WAPL: variants seen among roughly 807,000 people sequenced by gnomAD.
WAPL encodes wings apart-like protein homolog.
WAPL carries 5 observed loss-of-function variants against 121.0 expected under a neutral mutation model. That is an observed-to-expected ratio of 0.04 (90% CI 0.02 to 0.09). WAPL has a LOEUF of 0.09. WAPL is among the 10% of genes least tolerant of loss of function. The pLI, the probability that WAPL is intolerant of heterozygous loss-of-function variation, is 1.00. For missense variants in WAPL, 999 were observed against 1,410.8 expected (o/e 0.71, Z 4.68); for synonymous variants, 480 against 481.5 (o/e 1.00, Z 0.04).
At chr10:86,462,432 TC>T (rs1841301894) in intron 9 of WAPL, among the ~76,000 whole-genome samples, 2 of 152,068 alleles carry the variant, frequency 1.3e-5, no homozygotes, top group African/African-American at 4.8e-5. Flanking sequence ...AAAGTTGTTC[TC>T]GGCCAGGTGC....
intron 15 of WAPL, among the ~76,000 whole-genome samples, chr10:86,449,520 T>A (rs574785206): frequency 1.3e-5 from 2 of 152,190 alleles, no homozygotes; most frequent in South Asian, 4.1e-4. Flanking sequence ...TAACACTAAG[T>A]GCAAAAGAGG....
At chr10:86,442,159 G>A (rs1470164821) in intron 17 of WAPL, among the ~76,000 whole-genome samples, 1 of 152,146 alleles carries the variant, frequency 6.6e-6, no homozygotes, top group Non-Finnish European at 1.5e-5. Flanking sequence ...AGCCTCCCGA[G>A]TAGCTGAGAT....
chr10:86,444,522 C>G (rs1849554201), intron 16 of WAPL, among the ~76,000 whole-genome samples: 1 of 152,088 alleles, frequency 6.6e-6, no homozygotes, highest in South Asian at 2.1e-4. Context: ...TACTGTATCA[C>G]GGATGAACTT....
chr10:86,451,900 T>C (rs1158049527), intron 15 of WAPL, 67 bp downstream of exon 15: 3 of 1,569,784 alleles, frequency 1.9e-6, no homozygotes, highest in Non-Finnish European at 2.6e-6. Context: ...AAGGTGCAAA[T>C]GATAAAAGAA....
In WAPL at chr10:86,446,381, A is replaced by G; in HGVS notation, c.3183T>C (p.Ala1061=). The G allele has an allele frequency of 6.2e-7, 1 of 1,614,124 alleles. No individual in the cohort carries two copies. Among genetic ancestry groups the G allele is most frequent in the South Asian group, 1.1e-5 (1 of 91,082 alleles). Residue 1061 remains alanine (A), a synonymous_variant, in exon 16 of 19, where the codon GCT becomes GCC. Coordinates refer to ENST00000298767, the MANE Select transcript of WAPL (RefSeq NM_015045.5). The part of the protein sequence containing the change: ...ESKTDELIKD[A]PTTQHDKSGE... The stretch of plus-strand genomic sequence containing the variant: ...CACTCTTATCATGCTGAGTGGTGGG[A>G]GCATCTTTGATCAACTCATCTGTTT...
chr10:86,505,073 A>G (rs1169196510), intron 2 of WAPL, among the ~76,000 whole-genome samples: 2 of 152,128 alleles, frequency 1.3e-5, no homozygotes, highest in South Asian at 2.1e-4. Flanking sequence ...AAAAGCACTG[A>G]TAACTGTGAT....
At position 86,510,068 on chromosome 10, in the gene WAPL, CTTTT is replaced by C. The variant is rs11323475; in HGVS notation, c.499+7499_499+7502del. Among the ~76,000 whole-genome samples the C allele has an allele frequency of 7.7e-4, 44 of 57,236 alleles. No homozygotes were observed. In the East Asian group the frequency reaches 0.024, roughly 32 times the overall value. 37.5% of individuals were successfully genotyped at this position (57,236 alleles called of 152,430 possible). A position where few individuals can be genotyped will look rare whatever the true frequency, so the allele number is the denominator to read the frequency against. On this transcript the variant is annotated intron_variant, in intron 2 of 18. Transcript: ENST00000298767. The stretch of plus-strand genomic sequence containing the variant: ...ACAGGCATCAGCCACTCCACCCGGC[CTTTT>C]TTTTTTTTTTTTTTTTTTTTGAGAC...
chr10:86,457,307 T>C (rs1589502057), intron 12 of WAPL, among the ~76,000 whole-genome samples: 2 of 110,912 alleles, frequency 1.8e-5, no homozygotes, highest in Non-Finnish European at 3.5e-5. Context: ...TGGGACAACA[T>C]AGCAAGACCC....
At chr10:86,479,410 C>T (rs991581010) in intron 4 of WAPL, among the ~76,000 whole-genome samples, 4 of 152,092 alleles carry the variant, frequency 2.6e-5, no homozygotes, top group Non-Finnish European at 2.9e-5. Flanking sequence ...AGCGCCAGCA[C>T]GCCTGGCTAA....
chr10:86,453,207 C>A lies in WAPL; in HGVS notation c.2949+13G>T. 6.2e-7 allele frequency: 1 copy of A among 1,613,090 alleles called. No homozygotes were observed. Among genetic ancestry groups the A allele is most frequent in the Non-Finnish European group, 8.5e-7 (1 of 1,179,276 alleles). ...ATATGATACTCATTTCTGAAAAAGT[C>A]ATTTCAACTTACCAGCACTCGAATA... is the stretch of plus-strand genomic sequence containing the variant. On this transcript the variant is annotated intron_variant, in intron 14 of 18. Transcript: ENST00000298767.
chr10:86,482,398 TA>T (rs1412995386), intron 4 of WAPL, among the ~76,000 whole-genome samples: 2 of 152,238 alleles, frequency 1.3e-5, no homozygotes, highest in Admixed American at 1.3e-4. Context: ...TGTATGTGAA[TA>T]TATATGTATG....
At chr10:86,475,882 T>C (rs930182135) in intron 4 of WAPL, among the ~76,000 whole-genome samples, 3 of 152,174 alleles carry the variant, frequency 2.0e-5, no homozygotes, top group African/African-American at 7.2e-5. Flanking sequence ...TTACTTCTTT[T>C]TAAAAAGCAT....
intron 8 of WAPL, among the ~76,000 whole-genome samples, chr10:86,470,251 C>T (rs548270867): frequency 2.6e-5 from 4 of 152,108 alleles, no homozygotes; most frequent in African/African-American, 9.7e-5. Context: ...CCAGGCTGAT[C>T]TCAAACTCCT....
rs779756968 is a variant in WAPL, at chr10:86,497,270, C to T, written c.1575G>A (p.Lys525=). The T allele has an allele frequency of 6.2e-7, 1 of 1,612,816 alleles. No homozygotes were observed. The change falls in exon 4 of 19, where the codon AAG becomes AAA. Residue 525 remains lysine (K), a synonymous_variant. Coordinates refer to ENST00000298767, the MANE Select transcript of WAPL (RefSeq NM_015045.5). ...EDLPGVPESV[K]KPINKQGDKS... ...TATCTCCTTGTTTATTTATGGGCTT[C>T]TTCACACTTTCAGGCACACCAGGCA...
At chr10:86,443,070 T>C (rs993789768) in intron 17 of WAPL, among the ~76,000 whole-genome samples, 1 of 146,038 alleles carries the variant, frequency 6.8e-6, no homozygotes, top group Non-Finnish European at 1.5e-5. Flanking sequence ...CTACTGGAAA[T>C]GTTAACACAT....
chr10:86,452,754 G>A (rs1047283447), intron 14 of WAPL, among the ~76,000 whole-genome samples: 3 of 151,040 alleles, frequency 2.0e-5, no homozygotes, highest in South Asian at 2.1e-4. Context: ...TAAGAAGTAC[G>A]TTCAGCCAGA....
At chr10:86,512,073 G>T (rs1432741351) in intron 2 of WAPL, among the ~76,000 whole-genome samples, 3 of 152,066 alleles carry the variant, frequency 2.0e-5, no homozygotes, top group Non-Finnish European at 4.4e-5. Flanking sequence ...ATCCTTTCAG[G>T]ACTTAAAAAA....
At chr10:86,443,608 G>GA in intron 16 of WAPL, 1 of 431,032 alleles carries the variant, frequency 2.3e-6, no homozygotes, top group Non-Finnish European at 4.1e-6. Flanking sequence ...TTAACAAACT[G>GA]AAAAGATTAA....
chr10:86,510,459 G>C (rs1161986556), intron 2 of WAPL, among the ~76,000 whole-genome samples: 1 of 152,194 alleles, frequency 6.6e-6, no homozygotes, highest in Admixed American at 6.5e-5. Flanking sequence ...TGTCATGTTA[G>C]AAGCTAGTTC....
Sources: allele counts gnomAD v4.1 joint callset (sites outside exome capture counted in the v4.1 genomes callset), GRCh38; gene constraint gnomAD v4.1.1; transcripts MANE v1.5; gene names NCBI Gene and HGNC (gene_info 2026-07-23, HGNC 2026-07-21).